The following NUGGC variants were observed in gnomAD, a reference collection of about 807,000 sequenced individuals.
NUGGC encodes the protein nuclear GTPase, germinal center associated, also known as nuclear GTPase SLIP-GC.
In NUGGC, 58 loss-of-function variants were observed where a neutral mutation model predicts 92.6. The ratio of observed to expected loss-of-function variants is 0.63; its 90% CI spans 0.51 to 0.78. NUGGC has a LOEUF of 0.78. NUGGC is among the 30% of genes least tolerant of loss of function. The pLI is 0.00. For synonymous variants in NUGGC, 376 were observed against 366.4 expected (o/e 1.03, Z -0.30); for missense variants, 925 against 964.6 (o/e 0.96, Z 0.54).
intron 13 of NUGGC, among the ~76,000 whole-genome samples, chr8:28,040,654 GT>G (rs1283170099): frequency 2.1e-4 from 30 of 143,802 alleles, no homozygotes; most frequent in Admixed American, 4.8e-4. Flanking sequence ...TTTTGTTCTT[GT>G]TTTTTTTTTT....
At position 28,064,492 on chromosome 8, in the gene NUGGC, G is replaced by A. The variant is rs542378677; in HGVS notation, c.921+30C>T. On this transcript the variant is annotated intron_variant, in intron 7 of 18. Coordinates refer to ENST00000413272, the MANE Select transcript of NUGGC (RefSeq NM_001010906.2). ...AGAAAGGGTAGAGGAGTTTAGGGAA[G>A]AGAGAACTAAACCTACGAAAGACAG... is the stretch of plus-strand genomic sequence containing the variant. The A allele has an allele frequency of 7.7e-4, 1,220 of 1,580,960 alleles. 18 individuals carry two copies. In the South Asian group the frequency reaches 0.013, roughly 16 times the overall value.
intron 1 of NUGGC, among the ~76,000 whole-genome samples, chr8:28,075,025 G>A (rs1210961843): frequency 2.0e-5 from 3 of 152,212 alleles, no homozygotes; most frequent in African/African-American, 4.8e-5. Context: ...GGTGACCAGA[G>A]CTGTGAAGGT....
At chr8:28,057,635 T>C (rs895352490) in intron 9 of NUGGC, among the ~76,000 whole-genome samples, 5 of 152,088 alleles carry the variant, frequency 3.3e-5, no homozygotes, top group African/African-American at 1.2e-4. Flanking sequence ...CACCAAGTCC[T>C]GCCATGATTT....
chr8:28,073,901 T>C (rs1167272885), intron 2 of NUGGC, among the ~76,000 whole-genome samples: 4 of 151,974 alleles, frequency 2.6e-5, no homozygotes, highest in African/African-American at 9.7e-5. Context: ...TGGGTTCAAG[T>C]GATTCTCCTG....
Position 28,074,459 on chromosome 8 carries a change from G to T in NUGGC, c.-46-3C>A. ...CTTCTCAGTTCAGGAGAACCAGCCT[G>T]TGAAGACAAAGTACAAAGACAGGTG... On this transcript the variant is annotated splice_polypyrimidine_tract_variant and splice_region_variant and intron_variant, in intron 1 of 18. Coordinates refer to ENST00000413272, the MANE Select transcript of NUGGC (RefSeq NM_001010906.2). 2 of 1,606,446 alleles carry T rather than the reference G, an allele frequency of 1.2e-6. No individual in the cohort carries two copies. The highest frequency in any genetic ancestry group is 1.7e-6 in the Non-Finnish European group (2 of 1,174,508).
At chr8:28,026,024 C>T (rs1285056717) in intron 18 of NUGGC, among the ~76,000 whole-genome samples, 1 of 152,086 alleles carries the variant, frequency 6.6e-6, no homozygotes, top group Non-Finnish European at 1.5e-5. Context: ...TCACAAATGG[C>T]AACATACCAT....
In NUGGC at chr8:28,031,395, T is replaced by A. The variant is rs771578530; in HGVS notation, c.1770-14A>T. On this transcript the variant is annotated splice_polypyrimidine_tract_variant and intron_variant, in intron 14 of 18. Coordinates refer to ENST00000413272, the MANE Select transcript of NUGGC (RefSeq NM_001010906.2). The stretch of plus-strand genomic sequence containing the variant: ...GGCTTCCCCGTCCTACGGAAGAAAG[T>A]GACAAAAAAGTTTAAGAGAATGGTG... The A allele has an allele frequency of 3.0e-5, 48 of 1,609,976 alleles. No homozygotes were observed. The East Asian group carries it at 1.0e-3, about 34-fold the overall frequency.
chr8:28,070,784 T>C (rs1360476590), intron 2 of NUGGC, among the ~76,000 whole-genome samples: 2 of 151,002 alleles, frequency 1.3e-5, no homozygotes, highest in Non-Finnish European at 3.0e-5. Flanking sequence ...ACAGTGTTTC[T>C]GTATGTTGCC....
rs1420482067 is a variant in NUGGC at position 28,033,619 on chromosome 8, G to C, written c.1690C>G (p.Leu564Val). Residue 564 changes from leucine to valine, a missense_variant, in exon 14 of 19, where the codon CTG becomes GTG. Transcript: ENST00000413272. ...GCTTCATTTAGATCAATTCTCGCCA[G>C]AGTCCTGGAGGCATAGATGCCATTT... ...LKNGIYASRT[L>V]ARIDLNEALT... The C allele has an allele frequency of 8.1e-6, 13 of 1,613,884 alleles. No homozygotes were observed. The highest frequency in any genetic ancestry group is 1.3e-5 in the African/African-American group (1 of 74,946).
intron 18 of NUGGC, among the ~76,000 whole-genome samples, chr8:28,024,736 GT>G (rs1463757792): frequency 1.3e-5 from 2 of 152,076 alleles, no homozygotes; most frequent in Non-Finnish European, 2.9e-5. Context: ...GAGTCTTTTT[GT>G]TCTGTCCCAT....
intron 10 of NUGGC, among the ~76,000 whole-genome samples, chr8:28,048,186 C>T (rs1447945368): frequency 6.6e-6 from 1 of 152,230 alleles, no homozygotes; most frequent in Non-Finnish European, 1.5e-5. Flanking sequence ...CTTATCAATA[C>T]TAAGAGGCAC....
intron 12 of NUGGC, among the ~76,000 whole-genome samples, chr8:28,041,648 A>C (rs1247342929): frequency 6.6e-6 from 1 of 152,214 alleles, no homozygotes; most frequent in Non-Finnish European, 1.5e-5. Flanking sequence ...TTTAACATGC[A>C]TACAAATCAA....
At chr8:28,060,961 T>C (rs1810290320) in intron 7 of NUGGC, among the ~76,000 whole-genome samples, 1 of 152,198 alleles carries the variant, frequency 6.6e-6, no homozygotes. Context: ...AGCGACTGTC[T>C]GCACCTTTCC....
At chr8:28,060,312 C>A (rs1469683641) in intron 8 of NUGGC, 114 bp downstream of exon 8, 2 of 1,039,114 alleles carry the variant, frequency 1.9e-6, no homozygotes, top group Non-Finnish European at 2.9e-6. Context: ...CCAACAATCA[C>A]TTCCTGAAGC....
chr8:28,025,580 G>A (rs1809237470), intron 18 of NUGGC, among the ~76,000 whole-genome samples: 1 of 152,188 alleles, frequency 6.6e-6, no homozygotes, highest in Non-Finnish European at 1.5e-5. Flanking sequence ...CTGGACAGAA[G>A]GTCATGAGAG....
At chr8:28,039,234 ATTT>A (rs201712679) in intron 13 of NUGGC, among the ~76,000 whole-genome samples, 5,875 of 142,450 alleles carry the variant, frequency 0.041, 386 homozygotes, top group African/African-American at 0.14. Flanking sequence ...ACTTATCTAG[ATTT>A]TTTTTTTTTT....
chr8:28,024,839 C>T (rs919046331), intron 18 of NUGGC, among the ~76,000 whole-genome samples: 6 of 152,192 alleles, frequency 3.9e-5, no homozygotes, highest in African/African-American at 9.6e-5. Context: ...CGCTTCCCCG[C>T]GTCCCAGCCC....
intron 6 of NUGGC, among the ~76,000 whole-genome samples, chr8:28,067,069 C>T (rs970440840): frequency 3.9e-5 from 6 of 152,132 alleles, no homozygotes; most frequent in Non-Finnish European, 2.9e-5. Flanking sequence ...TCTAGCACTC[C>T]GGGAGCCATC....
chr8:28,039,217 T>G (rs550242592), intron 13 of NUGGC, among the ~76,000 whole-genome samples: 1 of 149,682 alleles, frequency 6.7e-6, no homozygotes, highest in East Asian at 2.0e-4. Context: ...TTGCAGCACA[T>G]GCATCTACTT....
Sources: allele counts gnomAD v4.1 joint callset (sites outside exome capture counted in the v4.1 genomes callset), GRCh38; gene constraint gnomAD v4.1.1; transcripts MANE v1.5; gene names NCBI Gene and HGNC (gene_info 2026-07-23, HGNC 2026-07-21).